Variants in CCSER1 observed in about 807,000 individuals in gnomAD.
CCSER1 encodes coiled-coil serine rich protein 1.
CCSER1 carries 41 observed loss-of-function variants against 82.0 expected under a neutral mutation model. That is an observed-to-expected ratio of 0.50 (90% CI 0.39 to 0.65). The LOEUF is 0.65. Ranked by LOEUF, CCSER1 falls within the 30% of genes least tolerant of loss-of-function variation. The pLI is 0.00. For synonymous variants in CCSER1, 414 were observed against 383.9 expected, an observed-to-expected ratio of 1.08 and a Z score of -0.92; for missense variants, 1,119 against 1,064.2, an observed-to-expected ratio of 1.05 and a Z score of -0.72.
At chr4:90,926,661 T>TA (rs140467178) in intron 9 of CCSER1, among the ~76,000 whole-genome samples, 5 of 150,824 alleles carry the variant, frequency 3.3e-5, no homozygotes, top group East Asian at 1.9e-4. Context: ...TGGCAAGACT[T>TA]AAAAAAAAAA....
chr4:90,223,647 G>T (rs925822360), intron 1 of CCSER1, among the ~76,000 whole-genome samples: 1 of 152,180 alleles, frequency 6.6e-6, no homozygotes, highest in East Asian at 1.9e-4. Flanking sequence ...CCTACTTTAT[G>T]ACCTTAATGG....
At chr4:91,269,379 A>G (rs928475855) in intron 10 of CCSER1, among the ~76,000 whole-genome samples, 1 of 152,132 alleles carries the variant, frequency 6.6e-6, no homozygotes, top group Non-Finnish European at 1.5e-5. Context: ...TTTACAGACT[A>G]CGTGTTTCCT....
intron 9 of CCSER1, among the ~76,000 whole-genome samples, chr4:91,082,796 AG>A (rs1162365899): frequency 6.6e-6 from 1 of 152,206 alleles, no homozygotes; most frequent in Non-Finnish European, 1.5e-5. Flanking sequence ...TGCAGCCAAA[AG>A]ACACATGAAA....
At chr4:90,905,517 T>G (rs555067551) in intron 8 of CCSER1, among the ~76,000 whole-genome samples, 1 of 152,138 alleles carries the variant, frequency 6.6e-6, no homozygotes, top group Admixed American at 6.6e-5. Context: ...TAAATGTCAT[T>G]TCTTCACTAA....
Position 90,642,653 on chromosome 4 carries a change from A to T in CCSER1, c.1932+14421A>T, listed in dbSNP as rs59848491. On this transcript the variant is annotated intron_variant, in intron 6 of 10. Coordinates refer to ENST00000509176, the MANE Select transcript of CCSER1 (RefSeq NM_001145065.2). ...CAGGAGTTCGAGACAAGCCTGGGCAACATAGAGATCTCATCTTTACTAAAA... is the reference window on the plus strand; with the variant it reads ...CAGGAGTTCGAGACAAGCCTGGGCATCATAGAGATCTCATCTTTACTAAAA... Among the ~76,000 whole-genome samples the T allele has an allele frequency of 1.6e-3, 240 of 152,288 alleles. 8 individuals are homozygous for T. In the East Asian group the frequency reaches 0.041, roughly 26 times the overall value.
At chr4:90,652,314 G>T (rs1728898225) in intron 6 of CCSER1, among the ~76,000 whole-genome samples, 1 of 152,138 alleles carries the variant, frequency 6.6e-6, no homozygotes, top group South Asian at 2.1e-4. Flanking sequence ...GGAATCAAAA[G>T]TTCCTAGTTT....
intron 1 of CCSER1, among the ~76,000 whole-genome samples, chr4:90,141,977 C>A (rs1487534370): frequency 6.6e-6 from 1 of 152,168 alleles, no homozygotes; most frequent in Non-Finnish European, 1.5e-5. Context: ...CCCAGAGAGC[C>A]ATGACAAGTG....
chr4:90,467,173 T>A (rs549330804), intron 4 of CCSER1, among the ~76,000 whole-genome samples: 13 of 151,566 alleles, frequency 8.6e-5, no homozygotes, highest in Non-Finnish European at 1.8e-4. Flanking sequence ...TATCATGAGG[T>A]CAAGAGATCA....
chr4:90,564,291 A>G (rs897694423), intron 5 of CCSER1, among the ~76,000 whole-genome samples: 2 of 152,096 alleles, frequency 1.3e-5, no homozygotes, highest in African/African-American at 4.8e-5. Context: ...CTGGGCCTCA[A>G]GTGATCCTCC....
At chr4:90,841,277 T>A (rs545044336) in intron 8 of CCSER1, among the ~76,000 whole-genome samples, 1 of 152,158 alleles carries the variant, frequency 6.6e-6, no homozygotes, top group African/African-American at 2.4e-5. Flanking sequence ...AGACAATGCT[T>A]AATAAAGAAG....
chr4:91,046,210 CTGTT>C (rs1742473456), intron 9 of CCSER1, among the ~76,000 whole-genome samples: 1 of 151,852 alleles, frequency 6.6e-6, no homozygotes, highest in Non-Finnish European at 1.5e-5. Context: ...TTTTCAATAA[CTGTT>C]TGATTATGTT....
chr4:90,915,127 T>A (rs1000658066), intron 8 of CCSER1, among the ~76,000 whole-genome samples: 7 of 152,042 alleles, frequency 4.6e-5, no homozygotes, highest in Admixed American at 6.6e-5. Flanking sequence ...ACTATTCCAA[T>A]CAATAGAAAA....
At chr4:90,391,459 T>TAC (rs1751060951) in intron 3 of CCSER1, among the ~76,000 whole-genome samples, 1 of 85,384 alleles carries the variant, frequency 1.2e-5, no homozygotes, top group Non-Finnish European at 2.1e-5. Context: ...TATATATATA[T>TAC]ATATATATAT....
intron 6 of CCSER1, among the ~76,000 whole-genome samples, chr4:90,687,309 C>A (rs951844384): frequency 9.2e-5 from 14 of 152,016 alleles, no homozygotes; most frequent in Admixed American, 7.9e-4. Context: ...TCTTACTCTG[C>A]ATCTCATTTG....
chr4:91,293,481 G>A (rs1411331611), intron 10 of CCSER1, among the ~76,000 whole-genome samples: 2 of 151,860 alleles, frequency 1.3e-5, no homozygotes, highest in Non-Finnish European at 2.9e-5. Flanking sequence ...TACACCAAAT[G>A]AATAACATGT....
intron 4 of CCSER1, among the ~76,000 whole-genome samples, chr4:90,435,168 A>G (rs1758827116): frequency 1.3e-5 from 2 of 152,222 alleles, no homozygotes; most frequent in Non-Finnish European, 1.5e-5. Context: ...AGACAAGGAA[A>G]ATAATAAATA....
chr4:90,635,815 TATAG>T, intron 6 of CCSER1, among the ~76,000 whole-genome samples: 1 of 151,870 alleles, frequency 6.6e-6, no homozygotes, highest in South Asian at 2.1e-4. Context: ...AGGTGATGTA[TATAG>T]CAATTACCCT....
intron 10 of CCSER1, among the ~76,000 whole-genome samples, chr4:91,248,487 G>A (rs186882969): frequency 9.2e-5 from 14 of 152,234 alleles, no homozygotes; most frequent in Admixed American, 3.3e-4. Flanking sequence ...ACTTCACCTC[G>A]ATGGTTTTTC....
At chr4:90,237,921 A>G (rs1746100114) in intron 1 of CCSER1, among the ~76,000 whole-genome samples, 1 of 152,212 alleles carries the variant, frequency 6.6e-6, no homozygotes, top group Non-Finnish European at 1.5e-5. Flanking sequence ...TTTCAAGGAC[A>G]AGTTGCTCAG....
Sources: allele counts gnomAD v4.1 joint callset (sites outside exome capture counted in the v4.1 genomes callset), GRCh38; gene constraint gnomAD v4.1.1; transcripts MANE v1.5; gene names NCBI Gene and HGNC (gene_info 2026-07-23, HGNC 2026-07-21).